AGO2: variants seen among roughly 807,000 people sequenced by gnomAD.
AGO2 encodes the protein argonaute RISC catalytic component 2, also known as protein argonaute-2.
A neutral mutation model predicts 102.3 loss-of-function variants in AGO2; 5 were observed. The ratio of observed to expected loss-of-function variants is 0.05; its 90% CI spans 0.03 to 0.10. The LOEUF is 0.10. Ranked by LOEUF, AGO2 falls within the 10% of genes least tolerant of loss-of-function variation. The pLI, the probability that AGO2 is intolerant of heterozygous loss-of-function variation, is 1.00. For missense variants in AGO2, 541 were observed against 1,183.7 expected, an observed-to-expected ratio of 0.46 and a Z score of 7.97; for synonymous variants, 449 against 473.1, an observed-to-expected ratio of 0.95 and a Z score of 0.66.
At chr8:140,566,159 T>C (rs1588463347) in intron 3 of AGO2, among the ~76,000 whole-genome samples, 1 of 152,190 alleles carries the variant, frequency 6.6e-6, no homozygotes, top group Non-Finnish European at 1.5e-5. Flanking sequence ...CATGTTGTGG[T>C]AGGAATCCAG....
chr8:140,537,840 A>G (rs1186688167), intron 16 of AGO2, among the ~76,000 whole-genome samples: 2 of 151,424 alleles, frequency 1.3e-5, no homozygotes, highest in Non-Finnish European at 2.9e-5. Flanking sequence ...TTCTTTTTTG[A>G]GATAGTCTCA....
intron 16 of AGO2, among the ~76,000 whole-genome samples, chr8:140,536,183 C>T (rs1329794497): frequency 6.6e-6 from 1 of 152,260 alleles, no homozygotes; most frequent in Non-Finnish European, 1.5e-5. Context: ...AGCCAAGATG[C>T]AGGCATGGCC....
chr8:140,554,165 G>A (rs574697769), intron 10 of AGO2, among the ~76,000 whole-genome samples: 48 of 152,354 alleles, frequency 3.2e-4, no homozygotes, highest in African/African-American at 1.1e-3. Flanking sequence ...CCCCATCCCC[G>A]CACAGGGGCC....
chr8:140,578,356 T>C lies in AGO2; in HGVS notation c.216-5424A>G, dbSNP rs570245531. 3.3e-5 allele frequency among the ~76,000 whole-genome samples: 5 copies of C among 152,264 alleles called. No individual in the cohort carries two copies. The East Asian group carries it at 7.7e-4, about 24-fold the overall frequency. On this transcript the variant is annotated intron_variant, in intron 2 of 18. Transcript: ENST00000220592. ...AAGTGTTCAGTTCAGCGGCATTGAG[T>C]GTGTCCATGCTGTTGTGCGACCATC...
chr8:140,577,073 T>C (rs1344531307), intron 2 of AGO2, among the ~76,000 whole-genome samples: 2 of 151,800 alleles, frequency 1.3e-5, no homozygotes, highest in Non-Finnish European at 2.9e-5. Context: ...CTGGACGTGG[T>C]GGCGGGCACC....
At chr8:140,584,026 A>C (rs1001134534) in intron 2 of AGO2, among the ~76,000 whole-genome samples, 1 of 152,058 alleles carries the variant, frequency 6.6e-6, no homozygotes, top group African/African-American at 2.4e-5. Context: ...ACATGACTGT[A>C]TCTCTATCCT....
At chr8:140,607,469 T>C (rs2074016046) in intron 1 of AGO2, among the ~76,000 whole-genome samples, 1 of 6,242 alleles carries the variant, frequency 1.6e-4, no homozygotes. Flanking sequence ...TATATATATA[T>C]ATATATATAT....
chr8:140,618,226 A>G (rs2074167566), intron 1 of AGO2, among the ~76,000 whole-genome samples: 2 of 152,052 alleles, frequency 1.3e-5, no homozygotes, highest in African/African-American at 4.8e-5. Context: ...AGGCTAAGGC[A>G]GGAGAATCGC....
intron 17 of AGO2, among the ~76,000 whole-genome samples, chr8:140,534,463 T>C (rs938409029): frequency 2.6e-5 from 4 of 152,190 alleles, no homozygotes; most frequent in African/African-American, 4.8e-5. Flanking sequence ...ACAGGCACTT[T>C]GCACCAGGAA....
At chr8:140,543,316 G>T (rs1166804131) in intron 14 of AGO2, among the ~76,000 whole-genome samples, 2 of 152,284 alleles carry the variant, frequency 1.3e-5, no homozygotes, top group East Asian at 3.9e-4. Flanking sequence ...TTTCCTTAAA[G>T]GAAGTGTGCC....
At chr8:140,563,839 C>T (rs778532126) in intron 3 of AGO2, among the ~76,000 whole-genome samples, 9 of 152,184 alleles carry the variant, frequency 5.9e-5, no homozygotes, top group Non-Finnish European at 2.9e-5. Flanking sequence ...GCCCACTGCC[C>T]GCCATGCCCA....
At chr8:140,553,055 T>C (rs2073029683) in intron 10 of AGO2, among the ~76,000 whole-genome samples, 1 of 152,240 alleles carries the variant, frequency 6.6e-6, no homozygotes, top group African/African-American at 2.4e-5. Context: ...TTTCCTCACA[T>C]TATAATGTTT....
At chr8:140,553,206 T>C (rs535820859) in intron 10 of AGO2, among the ~76,000 whole-genome samples, 31 of 152,010 alleles carry the variant, frequency 2.0e-4, no homozygotes, top group African/African-American at 7.2e-4. Context: ...GGTAACATAG[T>C]GAGACCTCGT....
At chr8:140,599,588 C>G (rs1034287038) in intron 1 of AGO2, among the ~76,000 whole-genome samples, 2 of 152,214 alleles carry the variant, frequency 1.3e-5, no homozygotes, top group African/African-American at 4.8e-5. Flanking sequence ...AGGCCATCAC[C>G]TAAGTGAGAA....
At chr8:140,606,664 C>T (rs1463161350) in intron 1 of AGO2, among the ~76,000 whole-genome samples, 2 of 152,332 alleles carry the variant, frequency 1.3e-5, no homozygotes, top group Middle Eastern at 3.4e-3. Flanking sequence ...TGGCTGGGCG[C>T]GGTGGCTCAT....
At chr8:140,541,683 A>G (rs2072801282) in intron 14 of AGO2, among the ~76,000 whole-genome samples, 1 of 152,282 alleles carries the variant, frequency 6.6e-6, no homozygotes, top group African/African-American at 2.4e-5. Flanking sequence ...TGGGCGGATC[A>G]CCTGAGGTCA....
chr8:140,537,347 G>A (rs2072716452), intron 16 of AGO2, among the ~76,000 whole-genome samples: 1 of 151,204 alleles, frequency 6.6e-6, no homozygotes, highest in Non-Finnish European at 1.5e-5. Context: ...TTTAAGACAG[G>A]TCGGAGTGCA....
chr8:140,598,079 G>A (rs1053640859), intron 1 of AGO2, among the ~76,000 whole-genome samples: 2 of 152,238 alleles, frequency 1.3e-5, no homozygotes, highest in African/African-American at 4.8e-5. Flanking sequence ...ACCCAGGAGG[G>A]TGAGAAAGGA....
chr8:140,635,947 C>T (rs949467891), upstream of AGO2, among the ~76,000 whole-genome samples: 5 of 149,968 alleles, frequency 3.3e-5, no homozygotes, highest in Middle Eastern at 3.2e-3. Flanking sequence ...GGCGCGGCCC[C>T]GGGGACCCTT....
Sources: gnomAD v4.1 joint callset for allele counts (sites outside exome capture counted in the v4.1 genomes callset) on GRCh38, gnomAD v4.1.1 for gene constraint, MANE v1.5 for transcripts, NCBI Gene and HGNC (gene_info 2026-07-23, HGNC 2026-07-21) for gene names.